Variants in BRINP3 observed in about 807,000 individuals in gnomAD.
The protein encoded by BRINP3 is BMP/retinoic acid inducible neural specific 3, also known as BMP/retinoic acid-inducible neural-specific protein 3.
A neutral mutation model predicts 71.0 loss-of-function variants in BRINP3; 19 were observed. That is an observed-to-expected ratio of 0.27 (90% CI 0.19 to 0.39). BRINP3 has a LOEUF of 0.39. Among genes scored for constraint, BRINP3 ranks in the 10% least tolerant of loss-of-function variants. The pLI is 1.00. For synonymous variants in BRINP3, 380 were observed against 337.7 expected (o/e 1.13, Z -1.37); for missense variants, 959 against 940.8 (o/e 1.02, Z -0.25).
intron 2 of BRINP3, among the ~76,000 whole-genome samples, chr1:190,289,969 C>A (rs2102963560): frequency 6.6e-6 from 1 of 151,966 alleles, no homozygotes; most frequent in East Asian, 1.9e-4. Flanking sequence ...ATGAATGACC[C>A]ATAGTAGTCA....
chr1:190,409,754 A>G (rs1672540395), intron 2 of BRINP3, among the ~76,000 whole-genome samples: 1 of 152,182 alleles, frequency 6.6e-6, no homozygotes, highest in South Asian at 2.1e-4. Flanking sequence ...CATAAGAAGA[A>G]CTGAAGAAAT....
intron 2 of BRINP3, among the ~76,000 whole-genome samples, chr1:190,425,003 C>A (rs1217030775): frequency 1.3e-5 from 2 of 151,316 alleles, no homozygotes; most frequent in Non-Finnish European, 3.0e-5. Flanking sequence ...TTAAAGGAAA[C>A]CAGAACTGCA....
chr1:190,224,878 G>A (rs1235816781), intron 6 of BRINP3, among the ~76,000 whole-genome samples: 1 of 151,984 alleles, frequency 6.6e-6, no homozygotes, highest in Non-Finnish European at 1.5e-5. Context: ...CATAAAGATG[G>A]CAAACAGATA....
At chr1:190,363,476 C>T (rs1215461989) in intron 2 of BRINP3, among the ~76,000 whole-genome samples, 1 of 151,898 alleles carries the variant, frequency 6.6e-6, no homozygotes, top group Non-Finnish European at 1.5e-5. Flanking sequence ...CCAAGAGAGG[C>T]AAGATATGAA....
In BRINP3 at chr1:190,149,754, A is replaced by G. The variant is rs143341019; in HGVS notation, c.1184+10914T>C. On this transcript the variant is annotated intron_variant, in intron 7 of 7. Coordinates refer to ENST00000367462, the MANE Select transcript of BRINP3 (RefSeq NM_199051.3). ...GCTAACTTTCCTGCTTATATGAGCT[A>G]ATTTTGTTTCAGTTCAATACAAAGT... Among the ~76,000 whole-genome samples, 666 of 151,934 alleles carry G rather than the reference A, an allele frequency of 4.4e-3. 3 individuals carry two copies. The highest frequency in any genetic ancestry group is 0.015 in the African/African-American group (637 of 41,452).
chr1:190,109,470 A>G (rs1652480784), intron 7 of BRINP3, among the ~76,000 whole-genome samples: 1 of 152,202 alleles, frequency 6.6e-6, no homozygotes, highest in South Asian at 2.1e-4. Context: ...TACACCATAA[A>G]GTAATAATCA....
At chr1:190,465,681 A>G (rs1676696213) in intron 1 of BRINP3, among the ~76,000 whole-genome samples, 1 of 151,954 alleles carries the variant, frequency 6.6e-6, no homozygotes, top group East Asian at 1.9e-4. Flanking sequence ...TAGAAATTCT[A>G]CTTTTTCTTG....
chr1:190,405,450 C>G (rs1453208571), intron 2 of BRINP3, among the ~76,000 whole-genome samples: 1 of 39,132 alleles, frequency 2.6e-5, no homozygotes, highest in African/African-American at 1.4e-4. Context: ...GACTCCGTCT[C>G]AAAAAAAAAA....
At chr1:190,150,527 T>A (rs1656297958) in intron 7 of BRINP3, among the ~76,000 whole-genome samples, 1 of 152,202 alleles carries the variant, frequency 6.6e-6, no homozygotes, top group East Asian at 1.9e-4. Flanking sequence ...TCAGAAATGA[T>A]ATCATTTGTA....
chr1:190,418,578 T>C (rs1450690707), intron 2 of BRINP3, among the ~76,000 whole-genome samples: 1 of 152,226 alleles, frequency 6.6e-6, no homozygotes, highest in African/African-American at 2.4e-5. Context: ...CCAAAATAAA[T>C]AAAACTGGCC....
chr1:190,240,777 C>T (rs1558098355), intron 4 of BRINP3, among the ~76,000 whole-genome samples: 1 of 143,672 alleles, frequency 7.0e-6, no homozygotes, highest in African/African-American at 2.6e-5. Flanking sequence ...GAGGCTGAGG[C>T]AGGAGAATTG....
At chr1:190,245,441 GA>G (rs1168054523) in intron 4 of BRINP3, among the ~76,000 whole-genome samples, 1 of 151,182 alleles carries the variant, frequency 6.6e-6, no homozygotes, top group East Asian at 1.9e-4. Context: ...AGTGCCAGGG[GA>G]AAAAAACAAT....
At chr1:190,327,350 A>AAAAAAAAAAAAAAAAAG (rs58749100) in intron 2 of BRINP3, among the ~76,000 whole-genome samples, 1 of 129,674 alleles carries the variant, frequency 7.7e-6, no homozygotes, top group Non-Finnish European at 1.6e-5. Flanking sequence ...AAAAAAAAAA[A>AAAAAAAAAAAAAAAAAG]GGAAAAAAAA....
intron 2 of BRINP3, among the ~76,000 whole-genome samples, chr1:190,403,896 T>A (rs1220867851): frequency 6.6e-6 from 1 of 152,178 alleles, no homozygotes; most frequent in Non-Finnish European, 1.5e-5. Context: ...ATTATGGAAA[T>A]AAATCCTTGG....
intron 2 of BRINP3, among the ~76,000 whole-genome samples, chr1:190,419,073 T>C (rs893463802): frequency 7.2e-5 from 11 of 152,134 alleles, no homozygotes; most frequent in African/African-American, 2.7e-4. Context: ...CTGGAGGTCA[T>C]TTAACTTGTC....
intron 2 of BRINP3, among the ~76,000 whole-genome samples, chr1:190,445,195 T>C (rs550492075): frequency 6.6e-6 from 1 of 152,266 alleles, no homozygotes; most frequent in African/African-American, 2.4e-5. Context: ...TTGCTACTTC[T>C]ATAAAGATTG....
chr1:190,410,597 T>C (rs992130005), intron 2 of BRINP3, among the ~76,000 whole-genome samples: 1 of 151,854 alleles, frequency 6.6e-6, no homozygotes, highest in Non-Finnish European at 1.5e-5. Context: ...TGTAAAAAAA[T>C]AGAACATCTA....
At chr1:190,396,106 A>T (rs1383432087) in intron 2 of BRINP3, among the ~76,000 whole-genome samples, 1 of 151,906 alleles carries the variant, frequency 6.6e-6, no homozygotes, top group East Asian at 1.9e-4. Flanking sequence ...CAAAATTTGA[A>T]GGCAGAGAAT....
intron 3 of BRINP3, among the ~76,000 whole-genome samples, chr1:190,275,331 C>A (rs901884206): frequency 2.6e-5 from 4 of 151,428 alleles, no homozygotes; most frequent in Non-Finnish European, 4.4e-5. Context: ...GTTGATTATA[C>A]CTTAAATTTA....
Sources: allele counts gnomAD v4.1 joint callset (sites outside exome capture counted in the v4.1 genomes callset), GRCh38; gene constraint gnomAD v4.1.1; transcripts MANE v1.5; gene names NCBI Gene and HGNC (gene_info 2026-07-23, HGNC 2026-07-21).